RARB: variants seen among roughly 807,000 people sequenced by gnomAD.
RARB encodes HBV-activated protein.
Under a neutral mutation model 51.9 loss-of-function variants are expected in RARB, and 17 were observed. The observed-to-expected ratio is 0.33, with a 90% CI of 0.22 to 0.49. The LOEUF is 0.49. Ranked by LOEUF, RARB falls within the 20% of genes least tolerant of loss-of-function variation. RARB has a pLI of 0.99. For missense variants in RARB, 369 were observed against 550.8 expected, an observed-to-expected ratio of 0.67 and a Z score of 3.30; for synonymous variants, 215 against 195.4, an observed-to-expected ratio of 1.10 and a Z score of -0.84.
At chr3:25,164,510 A>C (rs1277514310) in intron 4 of RARB, among the ~76,000 whole-genome samples, 1 of 152,200 alleles carries the variant, frequency 6.6e-6, no homozygotes, top group Non-Finnish European at 1.5e-5. Flanking sequence ...ATGTACCTTG[A>C]AAATTCTTGC....
chr3:25,180,540 T>C (rs1304428919), intron 5 of RARB, among the ~76,000 whole-genome samples: 2 of 152,182 alleles, frequency 1.3e-5, no homozygotes, highest in African/African-American at 4.8e-5. Flanking sequence ...CGATGGGAGA[T>C]TAGCCTCCAT....
chr3:25,178,015 T>G (rs1331391135), intron 5 of RARB, among the ~76,000 whole-genome samples: 1 of 152,092 alleles, frequency 6.6e-6, no homozygotes, highest in Non-Finnish European at 1.5e-5. Flanking sequence ...TAACTCAGGT[T>G]TCTCCCGGTC....
At chr3:25,533,920 G>A (rs1230529309) in intron 3 of RARB, among the ~76,000 whole-genome samples, 1 of 152,178 alleles carries the variant, frequency 6.6e-6, no homozygotes, top group East Asian at 1.9e-4. Context: ...CACTTGTGAT[G>A]GTGAGACTCA....
intron 5 of RARB, among the ~76,000 whole-genome samples, chr3:25,244,297 G>A (rs889169329): frequency 3.4e-5 from 4 of 116,338 alleles, no homozygotes; most frequent in East Asian, 2.5e-4. Flanking sequence ...TGAAGAGTTT[G>A]TGTCTTTATC....
chr3:25,213,530 G>A (rs570249816), intron 5 of RARB, among the ~76,000 whole-genome samples: 26 of 152,098 alleles, frequency 1.7e-4, no homozygotes, highest in Non-Finnish European at 2.6e-4. Flanking sequence ...GAGCATCCTT[G>A]TACATGTCTT....
intron 2 of RARB, among the ~76,000 whole-genome samples, chr3:25,468,024 G>A (rs1252854635): frequency 1.3e-5 from 2 of 152,126 alleles, no homozygotes; most frequent in East Asian, 3.8e-4. Context: ...GGGTCAGGTG[G>A]GATCTCATGG....
intron 4 of RARB, among the ~76,000 whole-genome samples, chr3:25,139,574 G>C (rs1451217994): frequency 1.3e-5 from 2 of 152,148 alleles, no homozygotes; most frequent in Non-Finnish European, 2.9e-5. Flanking sequence ...GTTGGTTTCT[G>C]AGATTTAAGC....
chr3:24,925,309 A>G (rs529844059), intron 2 of RARB, among the ~76,000 whole-genome samples: 1 of 152,108 alleles, frequency 6.6e-6, no homozygotes, highest in Non-Finnish European at 1.5e-5. Flanking sequence ...CTAGATTTAC[A>G]GATTAATATT....
chr3:25,159,300 G>A (rs2125345575), intron 4 of RARB, among the ~76,000 whole-genome samples: 1 of 151,090 alleles, frequency 6.6e-6, no homozygotes, highest in African/African-American at 2.4e-5. Context: ...CTCGTGAGTA[G>A]CTGGGATTAC....
chr3:25,187,306 A>T (rs1049142499), intron 5 of RARB, among the ~76,000 whole-genome samples: 1 of 152,056 alleles, frequency 6.6e-6, no homozygotes, highest in Non-Finnish European at 1.5e-5. Flanking sequence ...AGAATGCTAT[A>T]TATTATTTAT....
At chr3:24,893,251 A>G (rs1268418445) in intron 2 of RARB, among the ~76,000 whole-genome samples, 1 of 152,240 alleles carries the variant, frequency 6.6e-6, no homozygotes, top group East Asian at 1.9e-4. Context: ...CACTGTCATA[A>G]TAGTCCCTGG....
intron 5 of RARB, among the ~76,000 whole-genome samples, chr3:25,248,576 A>G (rs1325737719): frequency 6.6e-6 from 1 of 152,022 alleles, no homozygotes; most frequent in East Asian, 1.9e-4. Flanking sequence ...GGTAGATAGT[A>G]TCTTTTTGTT....
At chr3:25,498,132 G>A (rs937265614) in intron 2 of RARB, among the ~76,000 whole-genome samples, 1 of 152,200 alleles carries the variant, frequency 6.6e-6, no homozygotes, top group Non-Finnish European at 1.5e-5. Flanking sequence ...AATATTGACA[G>A]TTGGTCTGGT....
chr3:25,367,328 C>G (rs1559373965), intron 5 of RARB, among the ~76,000 whole-genome samples: 1 of 152,138 alleles, frequency 6.6e-6, no homozygotes, highest in Non-Finnish European at 1.5e-5. Flanking sequence ...ATTTTCTTCC[C>G]ATGTTCTTGT....
At chr3:24,945,326 A>C (rs1236510987) in intron 2 of RARB, among the ~76,000 whole-genome samples, 2 of 152,186 alleles carry the variant, frequency 1.3e-5, no homozygotes, top group African/African-American at 4.8e-5. Context: ...CTTTGCCTAC[A>C]TCTGTCTTTG....
rs1249002893 is a variant in RARB, at chr3:25,033,092, G to A, written c.-379-27033G>A. 3.9e-5 allele frequency among the ~76,000 whole-genome samples: 6 copies of A among 152,178 alleles called. 1 individual carries two copies. The highest frequency in any genetic ancestry group is 8.8e-5 in the Non-Finnish European group (6 of 68,000). ...GTTATTCATCTAGGCTTTTGATCTG[G>A]TTAAATTTTTACTTTTTGTTTTTAA... On this transcript the variant is annotated intron_variant, in intron 2 of 11. Coordinates refer to the RARB transcript ENST00000383772.
intron 5 of RARB, among the ~76,000 whole-genome samples, chr3:25,191,218 C>G (rs1701096270): frequency 6.6e-6 from 1 of 152,096 alleles, no homozygotes; most frequent in Admixed American, 6.6e-5. Flanking sequence ...CTGTTACTCA[C>G]AATACTGGCA....
At chr3:24,849,042 G>A (rs555399095) in intron 1 of RARB, among the ~76,000 whole-genome samples, 2 of 152,288 alleles carry the variant, frequency 1.3e-5, no homozygotes, top group South Asian at 2.1e-4. Flanking sequence ...GTTATCTGCA[G>A]GGGATACTTT....
At chr3:25,093,417 A>G (rs1339490517) in intron 3 of RARB, among the ~76,000 whole-genome samples, 1 of 152,134 alleles carries the variant, frequency 6.6e-6, no homozygotes, top group African/African-American at 2.4e-5. Flanking sequence ...AGCCTCCAAA[A>G]TGCCCTTAAT....
Sources: allele counts gnomAD v4.1 joint callset (sites outside exome capture counted in the v4.1 genomes callset), GRCh38; gene constraint gnomAD v4.1.1; transcripts MANE v1.5; gene names NCBI Gene and HGNC (gene_info 2026-07-23, HGNC 2026-07-21).